NUP85: variants seen among roughly 807,000 people sequenced by gnomAD.
The protein encoded by NUP85 is nucleoporin 85.
In NUP85, 23 loss-of-function variants were observed where a neutral mutation model predicts 92.8. The ratio of observed to expected loss-of-function variants is 0.25; its 90% confidence interval spans 0.18 to 0.35. The LOEUF (loss-of-function observed/expected upper bound fraction) is 0.35. NUP85 is among the 10% of genes least tolerant of loss of function. The probability of loss-of-function intolerance (pLI) is 1.00; values close to 1 mark genes in which losing one functional copy is unlikely to be tolerated. For synonymous variants in NUP85, 314 were observed against 306.9 expected (o/e 1.02, Z -0.24); for missense variants, 759 against 822.8 (o/e 0.92, Z 0.95).
Position 75,221,879 on chromosome 17 carries a change from G to A in NUP85, c.598-3224G>A, listed in dbSNP as rs963833334. Among the ~76,000 whole-genome samples, 10 of 152,296 alleles carry A rather than the reference G, an allele frequency of 6.6e-5. No individual in the cohort carries two copies. The South Asian group carries it at 8.3e-4, about 13-fold the overall frequency. On this transcript the variant is annotated intron_variant, in intron 7 of 18. Coordinates refer to ENST00000245544, the MANE Select transcript of NUP85 (RefSeq NM_024844.5). ...AAGCCAGGTAAAAGATGGTGGTGGT[G>A]TAGGCTAGATATGTTTGAAGAGAGT... is the stretch of plus-strand genomic sequence containing the variant.
At chr17:75,229,464 A>G (rs939298155) in intron 11 of NUP85, among the ~76,000 whole-genome samples, 2 of 152,200 alleles carry the variant, frequency 1.3e-5, no homozygotes, top group African/African-American at 4.8e-5. Flanking sequence ...CGTTTTCAGC[A>G]GAGGGCTACT....
chr17:75,235,407 G>C (rs140277927), intron 18 of NUP85, 171 bp from the exon 19 acceptor site: 5 of 616,290 alleles, frequency 8.1e-6, no homozygotes, highest in Non-Finnish European at 1.4e-5. Flanking sequence ...GTTCTTTGCT[G>C]TTCATCATTT....
At chr17:75,209,734 G>A (rs2075199525) in intron 2 of NUP85, 89 bp from the exon 3 acceptor site, 1 of 1,095,420 alleles carries the variant, frequency 9.1e-7, no homozygotes, top group East Asian at 2.8e-5. Context: ...GAGCCACCAT[G>A]CCCGGCCACA....
intron 7 of NUP85, among the ~76,000 whole-genome samples, chr17:75,224,336 C>T (rs954091408): frequency 7.9e-5 from 12 of 152,080 alleles, no homozygotes; most frequent in Admixed American, 5.9e-4. Context: ...TGAGCCACCA[C>T]GCCCAGCCCT....
Position 75,231,335 on chromosome 17 carries a change from T to TG in NUP85, c.1095-4dup, listed in dbSNP as rs1259915886. On this transcript the variant is annotated splice_region_variant and splice_polypyrimidine_tract_variant and intron_variant, in intron 11 of 18. Coordinates refer to ENST00000245544, the MANE Select transcript of NUP85 (RefSeq NM_024844.5). The surrounding 1 kb of genome is among the most constrained non-coding windows in gnomAD (Gnocchi z 4.6). ...TCCTTCTTGCCTTGGTGTCTGAATC[T>TG]GCAGCATCGCCCTGAGCAACTGGTG... 6.2e-7 allele frequency: 1 copy of TG among 1,614,200 alleles called. No homozygotes were observed. Among genetic ancestry groups the TG allele is most frequent in the Non-Finnish European group, 8.5e-7 (1 of 1,180,030 alleles).
At chr17:75,218,900 A>AC (rs1387718542) in intron 7 of NUP85, among the ~76,000 whole-genome samples, 1 of 152,138 alleles carries the variant, frequency 6.6e-6, no homozygotes, top group African/African-American at 2.4e-5. Context: ...AGTGCCAACC[A>AC]CCATGCCTGG....
intron 1 of NUP85, 102 bp downstream of exon 1, chr17:75,205,896 C>A: frequency 2.2e-6 from 3 of 1,348,452 alleles, no homozygotes; most frequent in Non-Finnish European, 3.2e-6. Context: ...GCGAGGCGCT[C>A]GTCCCCTTCC....
chr17:75,211,388 A>G (rs1408142908), intron 3 of NUP85, among the ~76,000 whole-genome samples: 1 of 151,090 alleles, frequency 6.6e-6, no homozygotes, highest in Non-Finnish European at 1.5e-5. Context: ...AACATGTCAA[A>G]AGTCCTGTAA....
intron 16 of NUP85, among the ~76,000 whole-genome samples, chr17:75,233,948 G>T (rs1347411452): frequency 1.3e-5 from 2 of 151,190 alleles, no homozygotes; most frequent in African/African-American, 4.9e-5. Context: ...TGGTCAGGCT[G>T]GTCTGGAACT....
In NUP85 at chr17:75,212,155, T is replaced by G. The variant is rs1432415555; in HGVS notation, c.361+93T>G. On this transcript the variant is annotated intron_variant, in intron 4 of 18. Transcript: ENST00000245544. ...TATGCATAAATACTGTGAGGTAAAGTTTGATTGATATTCCAGTCCAAAACT... is the reference window on the plus strand; with the variant it reads ...TATGCATAAATACTGTGAGGTAAAGGTTGATTGATATTCCAGTCCAAAACT... The G allele has an allele frequency of 1.8e-5, 15 of 819,760 alleles. No individual in the cohort carries two copies. The South Asian group carries it at 2.5e-4, about 13-fold the overall frequency. The allele number at this position is 819,760 out of a possible 1,614,324, so 50.8% of individuals were successfully genotyped here. A position where few individuals can be genotyped will look rare whatever the true frequency, so the allele number is the denominator to read the frequency against.
intron 18 of NUP85, 163 bp downstream of exon 18, chr17:75,235,364 T>A: frequency 1.6e-6 from 1 of 621,132 alleles, no homozygotes; most frequent in Non-Finnish European, 2.8e-6. Context: ...TAGGAGAAAA[T>A]CAGGGATTCT....
chr17:75,233,417 CTTCTT>C (rs1488665838), intron 16 of NUP85, among the ~76,000 whole-genome samples: 40 of 119,212 alleles, frequency 3.4e-4, no homozygotes, highest in African/African-American at 1.3e-3. Flanking sequence ...TTCTTTCTTT[CTTCTT>C]TTCTTTTATT....
intron 17 of NUP85, 100 bp downstream of exon 17, chr17:75,234,888 CT>C (rs533156111): frequency 6.5e-5 from 94 of 1,446,790 alleles, no homozygotes; most frequent in Non-Finnish European, 8.7e-5. Context: ...CTTTGTCGTT[CT>C]GCCTGTGCGC....
At chr17:75,228,562 A>T in intron 11 of NUP85, 1 of 985,406 alleles carries the variant, frequency 1.0e-6, no homozygotes, top group South Asian at 4.7e-5. Flanking sequence ...GAAAGGTTGA[A>T]TTGGGGTCTT....
chr17:75,218,355 G>T, intron 7 of NUP85, 49 bp downstream of exon 7: 2 of 1,606,966 alleles, frequency 1.2e-6, no homozygotes. Flanking sequence ...TACTGTCCCT[G>T]GTGCTGCCGG....
intron 10 of NUP85, 48 bp downstream of exon 10, chr17:75,225,877 C>T (rs367634531): frequency 5.8e-5 from 93 of 1,610,064 alleles, no homozygotes; most frequent in South Asian, 2.4e-4. Context: ...GTCCTGGGGG[C>T]GCCCTGATGG....
At chr17:75,233,849 C>T (rs1242115533) in intron 16 of NUP85, among the ~76,000 whole-genome samples, 3 of 152,144 alleles carry the variant, frequency 2.0e-5, no homozygotes, top group East Asian at 1.9e-4. Context: ...CCGCCTGCCT[C>T]GGCCTCCCAA....
chr17:75,206,587 T>A (rs1161930128), intron 1 of NUP85, among the ~76,000 whole-genome samples: 1 of 152,120 alleles, frequency 6.6e-6, no homozygotes, highest in African/African-American at 2.4e-5. Flanking sequence ...GATTACATTC[T>A]TGTGAGTCGG....
chr17:75,232,191 A>G (rs1045676713), intron 14 of NUP85: 4 of 581,654 alleles, frequency 6.9e-6, no homozygotes, highest in Non-Finnish European at 1.2e-5. Flanking sequence ...GACAAAATCT[A>G]CACGCCATCT....
Sources: gnomAD v4.1 joint callset for allele counts (sites outside exome capture counted in the v4.1 genomes callset) on GRCh38, gnomAD v4.1.1 for gene constraint, Gnocchi (gnomAD v3.1) non-coding constraint, MANE v1.5 for transcripts, NCBI Gene and HGNC (gene_info 2026-07-23, HGNC 2026-07-21) for gene names.